The following PLCXD3 variants were observed in gnomAD, a reference collection of about 807,000 sequenced individuals.
PLCXD3 encodes PI-PLC X domain-containing protein 3.
In PLCXD3, 19 loss-of-function variants were observed where a neutral mutation model predicts 25.5. That is an observed-to-expected ratio of 0.75 (90% confidence interval 0.52 to 1.09). PLCXD3 has a LOEUF of 1.09. Among genes scored for constraint, PLCXD3 ranks in the 50% least tolerant of loss-of-function variants. The pLI is 0.00. For synonymous variants in PLCXD3, 174 were observed against 137.6 expected, an observed-to-expected ratio of 1.26 and a Z score of -1.85; for missense variants, 411 against 388.1, an observed-to-expected ratio of 1.06 and a Z score of -0.50.
intron 2 of PLCXD3, among the ~76,000 whole-genome samples, chr5:41,341,939 AG>A (rs929041642): frequency 1.3e-5 from 2 of 152,210 alleles, no homozygotes; most frequent in Non-Finnish European, 2.9e-5. Flanking sequence ...ATGAGTCCAC[AG>A]TAAGAAATTT....
intron 1 of PLCXD3, among the ~76,000 whole-genome samples, chr5:41,448,952 C>G (rs1045555180): frequency 6.6e-6 from 1 of 152,176 alleles, no homozygotes; most frequent in African/African-American, 2.4e-5. Context: ...GACCCAAATG[C>G]TAAACATGCA....
intron 1 of PLCXD3, among the ~76,000 whole-genome samples, chr5:41,408,563 T>G (rs1746423707): frequency 6.6e-6 from 1 of 152,224 alleles, no homozygotes; most frequent in Admixed American, 6.5e-5. Context: ...ACTAAACTTT[T>G]TTTTAAAACA....
At chr5:41,314,305 A>G (rs1038437533) in intron 2 of PLCXD3, among the ~76,000 whole-genome samples, 2 of 152,234 alleles carry the variant, frequency 1.3e-5, no homozygotes, top group African/African-American at 4.8e-5. Context: ...TCATTCCTTC[A>G]AACACATTTA....
intron 1 of PLCXD3, among the ~76,000 whole-genome samples, chr5:41,421,151 T>C (rs1291095795): frequency 6.6e-6 from 1 of 152,216 alleles, no homozygotes; most frequent in East Asian, 1.9e-4. Context: ...TATTTTAGGA[T>C]AATATTAGGC....
intron 1 of PLCXD3, among the ~76,000 whole-genome samples, chr5:41,483,127 G>C (rs1409399723): frequency 6.6e-6 from 1 of 152,152 alleles, no homozygotes; most frequent in African/African-American, 2.4e-5. Flanking sequence ...ATCACTTAAA[G>C]CTTTAAGGAT....
At chr5:41,461,739 T>C (rs1269217137) in intron 1 of PLCXD3, among the ~76,000 whole-genome samples, 1 of 152,002 alleles carries the variant, frequency 6.6e-6, no homozygotes, top group African/African-American at 2.4e-5. Flanking sequence ...CAGCTTATTC[T>C]GCTCCCAAAT....
chr5:41,446,199 A>AAAAAAAAAAAAAAAG, intron 1 of PLCXD3, among the ~76,000 whole-genome samples: 1 of 143,672 alleles, frequency 7.0e-6, no homozygotes, highest in Non-Finnish European at 1.5e-5. Flanking sequence ...AAAAAAAAAA[A>AAAAAAAAAAAAAAAG]AAGAACAACG....
intron 1 of PLCXD3, among the ~76,000 whole-genome samples, chr5:41,436,716 G>A (rs1747262798): frequency 1.3e-5 from 2 of 152,168 alleles, no homozygotes; most frequent in African/African-American, 4.8e-5. Context: ...GCCAAATCCA[G>A]AGCTTGAAGA....
intron 1 of PLCXD3, among the ~76,000 whole-genome samples, chr5:41,470,321 A>G (rs1748123411): frequency 6.6e-6 from 1 of 152,172 alleles, no homozygotes; most frequent in South Asian, 2.1e-4. Context: ...GCTCTCCAGA[A>G]GGGTCTGGAA....
intron 1 of PLCXD3, among the ~76,000 whole-genome samples, chr5:41,487,033 T>C (rs1388257191): frequency 7.4e-6 from 1 of 135,348 alleles, no homozygotes; most frequent in Non-Finnish European, 1.7e-5. Context: ...GTGTTAAAAA[T>C]AACATACTTT....
At position 41,477,416 on chromosome 5, in the gene PLCXD3, G is replaced by A. The variant is rs191682659; in HGVS notation, c.103+33008C>T. ...CTTAGATCCTATCCCCATACCTGTCGCTCCTGGTTCAAAAAATTTGGGCCA... is the reference window on the plus strand; with the variant it reads ...CTTAGATCCTATCCCCATACCTGTCACTCCTGGTTCAAAAAATTTGGGCCA... On this transcript the variant is annotated intron_variant, in intron 1 of 2. Transcript: ENST00000377801. Among the ~76,000 whole-genome samples the A allele has an allele frequency of 3.6e-3, 544 of 152,148 alleles. 1 individual carries two copies. Among genetic ancestry groups the A allele is most frequent in the African/African-American group, 0.012 (482 of 41,492 alleles).
intron 2 of PLCXD3, among the ~76,000 whole-genome samples, chr5:41,320,648 C>T (rs1388737445): frequency 6.6e-6 from 1 of 152,204 alleles, no homozygotes; most frequent in Admixed American, 6.5e-5. Flanking sequence ...AGGCACCCGC[C>T]ACCATGCCTG....
At chr5:41,477,630 C>T (rs1748310212) in intron 1 of PLCXD3, among the ~76,000 whole-genome samples, 1 of 151,988 alleles carries the variant, frequency 6.6e-6, no homozygotes, top group Non-Finnish European at 1.5e-5. Flanking sequence ...ACCATAGTCA[C>T]TTCCAAACTC....
At chr5:41,503,465 T>G (rs1291624872) in intron 1 of PLCXD3, among the ~76,000 whole-genome samples, 2 of 151,902 alleles carry the variant, frequency 1.3e-5, no homozygotes, top group Non-Finnish European at 1.5e-5. Context: ...ATAACAAGAG[T>G]GCATCTAACA....
chr5:41,384,401 T>C (rs548137281), intron 1 of PLCXD3, among the ~76,000 whole-genome samples: 1 of 152,148 alleles, frequency 6.6e-6, no homozygotes, highest in South Asian at 2.1e-4. Context: ...TAAGAAGAAT[T>C]ATGATTAAAT....
chr5:41,475,068 C>T (rs1748250830), intron 1 of PLCXD3, among the ~76,000 whole-genome samples: 1 of 152,160 alleles, frequency 6.6e-6, no homozygotes, highest in South Asian at 2.1e-4. Context: ...TCCAAAGGTG[C>T]TGTAGGTGGG....
chr5:41,478,571 TTTAC>T (rs1268646078), intron 1 of PLCXD3, among the ~76,000 whole-genome samples: 1 of 152,194 alleles, frequency 6.6e-6, no homozygotes, highest in African/African-American at 2.4e-5. Flanking sequence ...GCTGATGTAC[TTTAC>T]TTAAACGTTT....
intron 1 of PLCXD3, among the ~76,000 whole-genome samples, chr5:41,387,073 T>G (rs1415124802): frequency 6.6e-6 from 1 of 152,100 alleles, no homozygotes; most frequent in Non-Finnish European, 1.5e-5. Flanking sequence ...ATAAACCTTG[T>G]GTTTTCATCT....
At chr5:41,338,784 C>T (rs1375952433) in intron 2 of PLCXD3, among the ~76,000 whole-genome samples, 2 of 152,058 alleles carry the variant, frequency 1.3e-5, no homozygotes, top group African/African-American at 2.4e-5. Context: ...CTTAAATACC[C>T]CCATTTACTT....
Sources: allele counts gnomAD v4.1 joint callset (sites outside exome capture counted in the v4.1 genomes callset), GRCh38; gene constraint gnomAD v4.1.1; transcripts MANE v1.5; gene names NCBI Gene and HGNC (gene_info 2026-07-23, HGNC 2026-07-21).